The following IFT122 variants were observed in gnomAD, a reference collection of about 807,000 sequenced individuals.
The protein encoded by IFT122 is intraflagellar transport protein 122 homolog.
A neutral mutation model predicts 161.6 loss-of-function variants in IFT122; 118 were observed. The ratio of observed to expected loss-of-function variants is 0.73; its 90% confidence interval spans 0.63 to 0.85. The LOEUF is 0.85. Ranked by LOEUF, IFT122 falls within the 40% of genes least tolerant of loss-of-function variation. IFT122 has a pLI of 0.00. For missense variants in IFT122, 1,381 were observed against 1,579.6 expected (o/e 0.87, Z 2.13); for synonymous variants, 550 against 602.4 (o/e 0.91, Z 1.27).
At chr3:129,496,097 C>G (rs1397600118) in intron 18 of IFT122, among the ~76,000 whole-genome samples, 1 of 152,184 alleles carries the variant, frequency 6.6e-6, no homozygotes, top group African/African-American at 2.4e-5. Flanking sequence ...CAGGCAGAGC[C>G]TCCGCCCTCC....
chr3:129,442,580 A>AAC (rs55970407), intron 1 of IFT122, among the ~76,000 whole-genome samples: 6 of 120,330 alleles, frequency 5.0e-5, no homozygotes, highest in South Asian at 3.1e-4. Context: ...AAAACTAAAC[A>AAC]AAAAAAAAAA....
At chr3:129,456,830 C>A (rs555247199) in intron 3 of IFT122, among the ~76,000 whole-genome samples, 1 of 151,980 alleles carries the variant, frequency 6.6e-6, no homozygotes, top group South Asian at 2.1e-4. Context: ...GCAGGATAAT[C>A]GCTTGAACCC....
intron 1 of IFT122, among the ~76,000 whole-genome samples, chr3:129,448,851 A>C (rs1577196909): frequency 6.6e-6 from 1 of 151,778 alleles, no homozygotes; most frequent in Admixed American, 6.6e-5. Context: ...ACCACCCACC[A>C]CCATGCCCAG....
chr3:129,495,561 T>C lies in IFT122; in HGVS notation c.2162T>C (p.Leu721Pro). 1 of 1,614,116 alleles carries C rather than the reference T, an allele frequency of 6.2e-7. No individual in the cohort carries two copies. The highest frequency in any genetic ancestry group is 1.1e-5 in the South Asian group (1 of 91,090). ...KLYKRSGHEN[L>P]ALEMYTDLCM... ...TACAAGAGGAGTGGGCACGAGAACC[T>C]CGCGCTTGAAATGTACACCGACCTC... The change falls in exon 18 of 30, where the codon CTC becomes CCC. Residue 721 changes from leucine to proline, a missense_variant. Transcript: ENST00000348417.
At chr3:129,502,944 G>A in intron 20 of IFT122, 62 bp downstream of exon 20, 10 of 1,537,162 alleles carry the variant, frequency 6.5e-6, no homozygotes, top group South Asian at 3.4e-5. Context: ...ACAGGCGGGT[G>A]GGTACAGGGG....
intron 23 of IFT122, among the ~76,000 whole-genome samples, chr3:129,511,964 C>G (rs1381253670): frequency 1.3e-5 from 2 of 152,180 alleles, no homozygotes; most frequent in African/African-American, 4.8e-5. Flanking sequence ...ATTACCAACT[C>G]CAGAGGCAGT....
intron 25 of IFT122, chr3:129,514,837 C>G: frequency 1.8e-6 from 1 of 541,654 alleles, no homozygotes; most frequent in Non-Finnish European, 3.3e-6. Flanking sequence ...AGCCCCACAC[C>G]TCTGTGCCCA....
chr3:129,495,208 T>C (rs2080693648), intron 17 of IFT122, among the ~76,000 whole-genome samples: 1 of 152,208 alleles, frequency 6.6e-6, no homozygotes, highest in South Asian at 2.1e-4. Context: ...GGAATTTCCA[T>C]TAAACAAACA....
At chr3:129,458,753 T>A in intron 4 of IFT122, 76 bp downstream of exon 4, 1 of 1,195,126 alleles carries the variant, frequency 8.4e-7, no homozygotes. Context: ...TTAGAAAAGA[T>A]GTAGGAGAAA....
At chr3:129,464,373 A>G (rs997538935) in intron 6 of IFT122, among the ~76,000 whole-genome samples, 1 of 152,058 alleles carries the variant, frequency 6.6e-6, no homozygotes, top group Non-Finnish European at 1.5e-5. Flanking sequence ...AAGGGCTGTC[A>G]TAGAGGTATG....
At chr3:129,504,712 TC>T (rs1207586245) in intron 21 of IFT122, among the ~76,000 whole-genome samples, 1 of 152,204 alleles carries the variant, frequency 6.6e-6, no homozygotes, top group African/African-American at 2.4e-5. Context: ...CAGTGTATCT[TC>T]CCGTTTAATC....
chr3:129,488,204 T>C (rs1276945471), intron 15 of IFT122, 53 bp from the exon 16 acceptor site: 1 of 1,613,208 alleles, frequency 6.2e-7, no homozygotes, highest in East Asian at 2.2e-5. Flanking sequence ...CATCTGGTTC[T>C]TTCCATGGCT....
rs2079577305 is a variant in IFT122, at chr3:129,488,405, T to A, written c.1992+8T>A. 4 of 1,613,980 alleles carry A rather than the reference T, an allele frequency of 2.5e-6. No homozygotes were observed. The highest frequency in any genetic ancestry group is 3.4e-6 in the Non-Finnish European group (4 of 1,179,970). On this transcript the variant is annotated splice_region_variant and intron_variant, in intron 16 of 29. Transcript: ENST00000348417. The stretch of plus-strand genomic sequence containing the variant: ...TTTGAAACAGCAAAGAAGGTAAGCA[T>A]CTAGCCAGCAGGAGCTGGAGTTTGG...
At chr3:129,505,412 T>G (rs1236655427) in intron 21 of IFT122, among the ~76,000 whole-genome samples, 1 of 152,218 alleles carries the variant, frequency 6.6e-6, no homozygotes. Context: ...AAAGCCCTCA[T>G]TGAAGGTTAG....
intron 9 of IFT122, among the ~76,000 whole-genome samples, chr3:129,470,162 T>C (rs2077214084): frequency 6.6e-6 from 1 of 152,142 alleles, no homozygotes; most frequent in Non-Finnish European, 1.5e-5. Context: ...CAGAGAATGG[T>C]GAGTTGTACA....
intron 11 of IFT122, 88 bp from the exon 12 acceptor site, chr3:129,477,928 C>A: frequency 1.9e-6 from 2 of 1,079,036 alleles, no homozygotes; most frequent in Non-Finnish European, 2.8e-6. Context: ...TTGCCAGTAG[C>A]GCTAAGTAAA....
intron 18 of IFT122, among the ~76,000 whole-genome samples, chr3:129,497,468 T>G (rs1363048696): frequency 6.6e-6 from 1 of 152,134 alleles, no homozygotes; most frequent in African/African-American, 2.4e-5. Context: ...TGCCAACCTG[T>G]AGAAAGATTA....
intron 9 of IFT122, among the ~76,000 whole-genome samples, chr3:129,470,043 T>C (rs2077201292): frequency 6.6e-6 from 1 of 152,054 alleles, no homozygotes; most frequent in Non-Finnish European, 1.5e-5. Context: ...AGAGGTTATC[T>C]TTGAGCAGGC....
rs538491759 is a variant in IFT122, at chr3:129,502,394, C to T, written c.2376-317C>T. On this transcript the variant is annotated intron_variant, in intron 19 of 29. Transcript: ENST00000348417. ...TAGGGTGGTGAAGATTCTGATTTCA[C>T]GCATGGGAAAGCTCATGGCGTCATC... Among the ~76,000 whole-genome samples the T allele has an allele frequency of 5.9e-5, 9 of 152,258 alleles. No homozygotes were observed. The South Asian group carries it at 1.5e-3, about 25-fold the overall frequency.
Sources: gnomAD v4.1 joint callset for allele counts (sites outside exome capture counted in the v4.1 genomes callset) on GRCh38, gnomAD v4.1.1 for gene constraint, MANE v1.5 for transcripts, NCBI Gene and HGNC (gene_info 2026-07-23, HGNC 2026-07-21) for gene names.